The following RIPOR2 variants were observed in gnomAD, a reference collection of about 807,000 sequenced individuals.
The protein encoded by RIPOR2 is rho family-interacting cell polarization regulator 2.
RIPOR2 carries 39 observed loss-of-function variants against 114.5 expected under a neutral mutation model. That is an observed-to-expected ratio of 0.34 (90% CI 0.26 to 0.44). The LOEUF is 0.44. RIPOR2 is among the 20% of genes least tolerant of loss of function. The probability of loss-of-function intolerance (pLI) is 1.00; values close to 1 mark genes in which losing one functional copy is unlikely to be tolerated. For synonymous variants in RIPOR2, 445 were observed against 484.4 expected (o/e 0.92, Z 1.07); for missense variants, 1,007 against 1,255.1 (o/e 0.80, Z 2.99).
intron 1 of RIPOR2, among the ~76,000 whole-genome samples, chr6:24,958,250 G>T (rs985284042): frequency 6.6e-6 from 1 of 152,154 alleles, no homozygotes; most frequent in African/African-American, 2.4e-5. Flanking sequence ...ACTAAATAAT[G>T]TTGACATGTG....
intron 4 of RIPOR2, among the ~76,000 whole-genome samples, chr6:24,871,411 G>A (rs1034896523): frequency 2.6e-5 from 4 of 152,226 alleles, no homozygotes; most frequent in African/African-American, 9.6e-5. Flanking sequence ...GAGTGCAGTG[G>A]CACGATCTCG....
chr6:24,884,296 C>A (rs1488952336), intron 1 of RIPOR2, among the ~76,000 whole-genome samples: 2 of 152,068 alleles, frequency 1.3e-5, no homozygotes, highest in Admixed American at 1.3e-4. Context: ...GTAGTCCCAG[C>A]TACTCGGGAG....
At chr6:24,963,306 T>G (rs1773387901) in intron 1 of RIPOR2, among the ~76,000 whole-genome samples, 1 of 152,092 alleles carries the variant, frequency 6.6e-6, no homozygotes, top group South Asian at 2.1e-4. Flanking sequence ...GTGCTGGGAT[T>G]ACAGGCATGA....
intron 1 of RIPOR2, among the ~76,000 whole-genome samples, chr6:24,999,490 CCTTCT>C (rs1355466610): frequency 6.6e-6 from 1 of 152,142 alleles, no homozygotes; most frequent in Non-Finnish European, 1.5e-5. Context: ...AACCACATTC[CCTTCT>C]CTTGAGTGTG....
intron 1 of RIPOR2, among the ~76,000 whole-genome samples, chr6:25,007,249 G>T (rs1488934395): frequency 6.6e-6 from 1 of 152,142 alleles, no homozygotes; most frequent in Non-Finnish European, 1.5e-5. Flanking sequence ...GTGTCTACAC[G>T]GTAAGCTGGA....
At chr6:24,935,970 G>A (rs1288559406), upstream of RIPOR2, 2 of 1,170,136 alleles carry the variant, frequency 1.7e-6, no homozygotes, top group East Asian at 2.5e-5. Context: ...TGCCGACCGA[G>A]GTGATTTCCT....
chr6:25,019,387 A>G (rs903780039), intron 1 of RIPOR2, among the ~76,000 whole-genome samples: 1 of 152,206 alleles, frequency 6.6e-6, no homozygotes, highest in Non-Finnish European at 1.5e-5. Context: ...TTTATACTCT[A>G]GGATCAAACA....
intron 21 of RIPOR2, among the ~76,000 whole-genome samples, chr6:24,809,453 A>G (rs1780991240): frequency 6.6e-6 from 1 of 152,222 alleles, no homozygotes; most frequent in Admixed American, 6.5e-5. Flanking sequence ...GATTCTAAAT[A>G]GTACACAGAC....
At chr6:24,946,532 C>G (rs1772417513) in intron 1 of RIPOR2, among the ~76,000 whole-genome samples, 1 of 151,980 alleles carries the variant, frequency 6.6e-6, no homozygotes, top group African/African-American at 2.4e-5. Context: ...AAGATCGCAC[C>G]ACTGCACTCC....
intron 1 of RIPOR2, among the ~76,000 whole-genome samples, chr6:24,996,613 A>C (rs538549382): frequency 6.6e-6 from 1 of 152,282 alleles, no homozygotes; most frequent in Non-Finnish European, 1.5e-5. Context: ...AACTGTGTCC[A>C]ACCACGCTGA....
chr6:24,955,486 C>A (rs1185543853), intron 1 of RIPOR2, among the ~76,000 whole-genome samples: 1 of 116,744 alleles, frequency 8.6e-6, no homozygotes, highest in Non-Finnish European at 1.9e-5. Context: ...TAAAAAAGAT[C>A]TCTAGTTAGC....
At chr6:24,847,941 A>G in intron 12 of RIPOR2, 84 bp downstream of exon 12, 1 of 1,556,978 alleles carries the variant, frequency 6.4e-7, no homozygotes, top group Non-Finnish European at 8.8e-7. Flanking sequence ...AACTCCCAGC[A>G]CTGTCTCTTA....
chr6:24,872,103 G>A lies in RIPOR2; in HGVS notation c.423+778C>T, dbSNP rs375541975. Among the ~76,000 whole-genome samples, 19 of 152,312 alleles carry A rather than the reference G, an allele frequency of 1.2e-4. No homozygotes were observed. In the East Asian group the frequency reaches 3.3e-3, roughly 26 times the overall value. The stretch of plus-strand genomic sequence containing the variant: ...GGACTATGTTGAGTTTTCTTGGGCT[G>A]ATTTCTTGAAACAGTGAGGTATAAT... On this transcript the variant is annotated intron_variant, in intron 4 of 21. Coordinates refer to ENST00000643898, the MANE Select transcript of RIPOR2 (RefSeq NM_001286445.3).
chr6:24,864,881 C>T (rs1581642551), intron 7 of RIPOR2, among the ~76,000 whole-genome samples: 2 of 152,108 alleles, frequency 1.3e-5, no homozygotes, highest in Admixed American at 1.3e-4. Context: ...AAACTAGGCT[C>T]GATTTACACT....
intron 15 of RIPOR2, among the ~76,000 whole-genome samples, chr6:24,834,591 G>C (rs560403020): frequency 1.2e-4 from 18 of 151,948 alleles, no homozygotes; most frequent in Non-Finnish European, 2.2e-4. Flanking sequence ...ACAGGTCTGC[G>C]TTCTGCATCT....
chr6:24,847,882 A>C, intron 12 of RIPOR2, 143 bp downstream of exon 12: 1 of 1,204,944 alleles, frequency 8.3e-7, no homozygotes, highest in Admixed American at 2.4e-5. Context: ...TAAGGTGGGC[A>C]AGGAGAGAGG....
intron 1 of RIPOR2, among the ~76,000 whole-genome samples, chr6:24,894,146 T>G (rs1054836637): frequency 5.3e-5 from 8 of 152,222 alleles, no homozygotes; most frequent in Admixed American, 3.3e-4. Context: ...TGTTTGTATC[T>G]CAAATATTAC....
chr6:24,850,706 C>T lies in RIPOR2; in HGVS notation c.776G>A (p.Gly259Asp), dbSNP rs865860313. ...GDQYEIFMKY[G>D]RQRWKLKGKI... Reference sequence around the variant, plus strand: ...GCCTTTCAGTTTCCACCGCTGCCGGCCATACTTCATGAAAATCTGGAGAGG... The same window carrying T: ...GCCTTTCAGTTTCCACCGCTGCCGGTCATACTTCATGAAAATCTGGAGAGG... Residue 259 changes from glycine (G) to aspartate (D), a missense_variant, in exon 10 of 22, where the codon GGC becomes GAC. By Grantham distance (94) the Gly-to-Asp change is moderately conservative. Coordinates refer to ENST00000643898, the MANE Select transcript of RIPOR2 (RefSeq NM_001286445.3). 1 of 1,613,822 alleles carries T rather than the reference C, an allele frequency of 6.2e-7. No individual in the cohort carries two copies. The highest frequency in any genetic ancestry group is 2.2e-5 in the East Asian group (1 of 44,880).
intron 1 of RIPOR2, among the ~76,000 whole-genome samples, chr6:25,033,314 C>G (rs73384170): frequency 0.044 from 6,642 of 152,240 alleles, 311 homozygotes; most frequent in African/African-American, 0.12. Context: ...TTATTTGATG[C>G]TCACAGTGTC....
Sources: allele counts gnomAD v4.1 joint callset (sites outside exome capture counted in the v4.1 genomes callset), GRCh38; gene constraint gnomAD v4.1.1; transcripts MANE v1.5; gene names NCBI Gene and HGNC (gene_info 2026-07-23, HGNC 2026-07-21).